The following ASIC2 variants were observed in gnomAD, a reference collection of about 807,000 sequenced individuals.
ASIC2 encodes acid-sensing ion channel 2.
ASIC2 carries 25 observed loss-of-function variants against 57.3 expected under a neutral mutation model. The ratio of observed to expected loss-of-function variants is 0.44; its 90% confidence interval spans 0.32 to 0.61. The LOEUF is 0.61. Among genes scored for constraint, ASIC2 ranks in the 20% least tolerant of loss-of-function variants. The probability of loss-of-function intolerance (pLI) is 0.06; values close to 1 mark genes in which losing one functional copy is unlikely to be tolerated. For synonymous variants in ASIC2, 319 were observed against 307.5 expected (o/e 1.04, Z -0.39); for missense variants, 641 against 738.1 (o/e 0.87, Z 1.52).
rs990494063 is a variant in ASIC2, at chr17:33,939,655, A to G, written c.555+216323T>C. The stretch of plus-strand genomic sequence containing the variant: ...GAGTCAATTCCACAGAGCTGGTGTG[A>G]CCCACTGTGGACTCCAGGGCTGGGA... On this transcript the variant is annotated intron_variant, in intron 1 of 9. Transcript: ENST00000359872. 2.0e-5 allele frequency among the ~76,000 whole-genome samples: 3 copies of G among 152,308 alleles called. No individual in the cohort carries two copies. In the East Asian group the frequency reaches 5.8e-4, roughly 29 times the overall value.
intron 1 of ASIC2, among the ~76,000 whole-genome samples, chr17:33,278,712 C>A (rs556559612): frequency 6.6e-6 from 1 of 152,172 alleles, no homozygotes; most frequent in African/African-American, 2.4e-5. Flanking sequence ...TTTGCCATAA[C>A]TCTTTATTGA....
intron 1 of ASIC2, among the ~76,000 whole-genome samples, chr17:34,072,828 G>A (rs1027526801): frequency 6.6e-6 from 1 of 152,212 alleles, no homozygotes; most frequent in South Asian, 2.1e-4. Flanking sequence ...AATTTATTTG[G>A]TCTTTTTTCT....
intron 1 of ASIC2, among the ~76,000 whole-genome samples, chr17:33,703,697 G>T (rs545407514): frequency 1.4e-4 from 21 of 152,244 alleles, no homozygotes; most frequent in African/African-American, 4.6e-4. Flanking sequence ...TAGGTTTTAA[G>T]CAGGGGAAGG....
At chr17:33,986,339 GCATCATT>G (rs1159514454) in intron 1 of ASIC2, among the ~76,000 whole-genome samples, 4 of 151,532 alleles carry the variant, frequency 2.6e-5, no homozygotes, top group Non-Finnish European at 5.9e-5. Context: ...AATATAGTAA[GCATCATT>G]CTCCAAAGGC....
At chr17:33,557,767 A>T (rs765075086) in intron 1 of ASIC2, among the ~76,000 whole-genome samples, 13 of 152,148 alleles carry the variant, frequency 8.5e-5, no homozygotes, top group Non-Finnish European at 1.5e-4. Flanking sequence ...TATTCTCCAT[A>T]TCCAACTCAT....
intron 1 of ASIC2, among the ~76,000 whole-genome samples, chr17:33,550,158 C>T (rs1323539165): frequency 6.6e-6 from 1 of 152,164 alleles, no homozygotes; most frequent in African/African-American, 2.4e-5. Context: ...CATTTGGGGC[C>T]AGAGGTCCAG....
intron 1 of ASIC2, among the ~76,000 whole-genome samples, chr17:33,498,255 C>A (rs1454393120): frequency 6.6e-6 from 1 of 152,190 alleles, no homozygotes; most frequent in Non-Finnish European, 1.5e-5. Context: ...AACTGTTGAG[C>A]AATAATCCAA....
intron 1 of ASIC2, among the ~76,000 whole-genome samples, chr17:33,667,376 C>A (rs1907509891): frequency 6.6e-6 from 1 of 152,308 alleles, no homozygotes; most frequent in East Asian, 1.9e-4. Context: ...AGCAGAAACA[C>A]CCACACAACG....
chr17:33,649,012 T>C (rs537578812), intron 1 of ASIC2, among the ~76,000 whole-genome samples: 2 of 152,290 alleles, frequency 1.3e-5, no homozygotes, highest in South Asian at 4.1e-4. Context: ...GAAGTAAAGA[T>C]ATCCACTCTC....
chr17:33,425,622 G>A (rs1911191990), intron 1 of ASIC2, among the ~76,000 whole-genome samples: 1 of 152,108 alleles, frequency 6.6e-6, no homozygotes, highest in African/African-American at 2.4e-5. Context: ...AGGATGAGTA[G>A]GATTTGGACA....
rs34633102 is a variant in ASIC2, at chr17:33,980,942, A to ATTTTT, written c.555+175031_555+175035dup. On this transcript the variant is annotated intron_variant, in intron 1 of 9. Coordinates refer to the ASIC2 transcript ENST00000359872. ...TCTCCCCATCCCTTCCTCAAGTGTA[A>ATTTTT]TTTTTTTTTTTTTAGACAGAATCTT... is the stretch of plus-strand genomic sequence containing the variant. 365 of 130,590 alleles carry ATTTTT rather than the reference A, an allele frequency of 2.8e-3. 30 individuals are homozygous for ATTTTT. Among genetic ancestry groups the ATTTTT allele is most frequent in the South Asian group, 0.016 (64 of 3,898 alleles). 8.1% of individuals were successfully genotyped at this position (130,590 alleles called of 1,614,324 possible). A position where few individuals can be genotyped will look rare whatever the true frequency, so the allele number is the denominator to read the frequency against.
At chr17:33,625,924 A>G (rs370577852) in intron 1 of ASIC2, among the ~76,000 whole-genome samples, 18 of 152,318 alleles carry the variant, frequency 1.2e-4, no homozygotes, top group Admixed American at 2.6e-4. Context: ...TTGTAAGCCA[A>G]CCAACCAACC....
intron 1 of ASIC2, among the ~76,000 whole-genome samples, chr17:33,352,959 A>G (rs1908242512): frequency 6.6e-6 from 1 of 152,170 alleles, no homozygotes; most frequent in Non-Finnish European, 1.5e-5. Context: ...CCGACCCCAG[A>G]GCTAATATCT....
chr17:33,855,100 G>A (rs1913885627), intron 1 of ASIC2, among the ~76,000 whole-genome samples: 1 of 152,194 alleles, frequency 6.6e-6, no homozygotes, highest in South Asian at 2.1e-4. Context: ...GGTCTTTAGA[G>A]GTTACCAATT....
chr17:33,765,407 G>A (rs1406538586), intron 1 of ASIC2, among the ~76,000 whole-genome samples: 3 of 152,144 alleles, frequency 2.0e-5, no homozygotes, highest in Admixed American at 2.0e-4. Flanking sequence ...CGCGCCCGGC[G>A]ATGGAGCATA....
chr17:33,765,414 C>A (rs957400853), intron 1 of ASIC2, among the ~76,000 whole-genome samples: 1 of 152,128 alleles, frequency 6.6e-6, no homozygotes, highest in African/African-American at 2.4e-5. Flanking sequence ...GGCGATGGAG[C>A]ATAATTGTAA....
At chr17:33,126,720 A>T (rs532924688) in intron 1 of ASIC2, among the ~76,000 whole-genome samples, 10 of 152,054 alleles carry the variant, frequency 6.6e-5, no homozygotes, top group Non-Finnish European at 1.3e-4. Flanking sequence ...GGGGAGATGG[A>T]GGTTGCCGTG....
At chr17:33,959,760 T>C (rs1480079181) in intron 1 of ASIC2, among the ~76,000 whole-genome samples, 9 of 152,238 alleles carry the variant, frequency 5.9e-5, no homozygotes, top group Non-Finnish European at 1.0e-4. Context: ...GGTCTGCCTC[T>C]CCCAGTCCAC....
chr17:33,735,537 G>C (rs1369226606), intron 1 of ASIC2, among the ~76,000 whole-genome samples: 3 of 152,198 alleles, frequency 2.0e-5, no homozygotes, highest in African/African-American at 7.2e-5. Context: ...GCCATAGCTT[G>C]GAGTCACATA....
Sources: allele counts gnomAD v4.1 joint callset (sites outside exome capture counted in the v4.1 genomes callset), GRCh38; gene constraint gnomAD v4.1.1; transcripts MANE v1.5; gene names NCBI Gene and HGNC (gene_info 2026-07-23, HGNC 2026-07-21).